The following LPP variants were observed in gnomAD, a reference collection of about 807,000 sequenced individuals.
LPP encodes the protein LIM domain containing preferred translocation partner in lipoma.
Under a neutral mutation model 60.4 loss-of-function variants are expected in LPP, and 38 were observed. The ratio of observed to expected loss-of-function variants is 0.63; its 90% CI spans 0.49 to 0.83. The LOEUF (loss-of-function observed/expected upper bound fraction) is 0.83. Among genes scored for constraint, LPP ranks in the 40% least tolerant of loss-of-function variants. The pLI is 0.00. For synonymous variants in LPP, 328 were observed against 290.8 expected (o/e 1.13, Z -1.30); for missense variants, 902 against 783.6 (o/e 1.15, Z -1.80).
intron 6 of LPP, among the ~76,000 whole-genome samples, chr3:188,543,895 T>C (rs1825862101): frequency 6.6e-6 from 1 of 152,150 alleles, no homozygotes; most frequent in African/African-American, 2.4e-5. Context: ...GAGAGTGAGG[T>C]TAGACTTACT....
At chr3:188,589,982 T>A (rs1449450641) in intron 6 of LPP, among the ~76,000 whole-genome samples, 2 of 152,210 alleles carry the variant, frequency 1.3e-5, no homozygotes, top group African/African-American at 4.8e-5. Flanking sequence ...ATTGTTGTCA[T>A]GTCTAATTTT....
intron 2 of LPP, among the ~76,000 whole-genome samples, chr3:188,301,689 C>A (rs1478462155): frequency 6.6e-6 from 1 of 151,872 alleles, no homozygotes; most frequent in South Asian, 2.1e-4. Context: ...TTATTTGAGA[C>A]AGAGTCTCAC....
chr3:188,747,005 T>C (rs1457314108), intron 8 of LPP, among the ~76,000 whole-genome samples: 1 of 152,164 alleles, frequency 6.6e-6, no homozygotes, highest in Non-Finnish European at 1.5e-5. Context: ...ATTTATCTCA[T>C]AATAAAAACT....
intron 2 of LPP, among the ~76,000 whole-genome samples, chr3:188,242,339 C>T (rs1725255666): frequency 6.6e-6 from 1 of 151,426 alleles, no homozygotes; most frequent in Non-Finnish European, 1.5e-5. Flanking sequence ...CTTGATTCTT[C>T]TTGCATTCAG....
At chr3:188,559,036 G>A (rs1830096731) in intron 6 of LPP, among the ~76,000 whole-genome samples, 1 of 152,048 alleles carries the variant, frequency 6.6e-6, no homozygotes, top group African/African-American at 2.4e-5. Flanking sequence ...TGCCTGCACT[G>A]CCTCTACCCC....
chr3:188,520,808 T>C (rs998662742), intron 5 of LPP, among the ~76,000 whole-genome samples: 2 of 152,174 alleles, frequency 1.3e-5, no homozygotes, highest in Non-Finnish European at 2.9e-5. Flanking sequence ...TGGTGGTAAC[T>C]AGAAAAAGCA....
intron 9 of LPP, among the ~76,000 whole-genome samples, chr3:188,793,731 G>A (rs1744524060): frequency 1.3e-5 from 2 of 152,118 alleles, no homozygotes; most frequent in Non-Finnish European, 1.5e-5. Context: ...ATCAGTGAAA[G>A]AATCTTTAAG....
At chr3:188,611,337 C>G (rs947754507) in intron 7 of LPP, among the ~76,000 whole-genome samples, 2 of 152,088 alleles carry the variant, frequency 1.3e-5, no homozygotes, top group Non-Finnish European at 2.9e-5. Context: ...TTTTTTATTT[C>G]TTTTTAAAAT....
chr3:188,621,139 C>CA (rs56228100), intron 7 of LPP, among the ~76,000 whole-genome samples: 32,685 of 142,826 alleles, frequency 0.23, 3,771 homozygotes, highest in South Asian at 0.43. Context: ...AATTTTATTC[C>CA]AAAAAAAAAA....
intron 3 of LPP, among the ~76,000 whole-genome samples, chr3:188,377,415 C>G (rs150430146): frequency 6.6e-6 from 1 of 151,956 alleles, no homozygotes; most frequent in African/African-American, 2.4e-5. Flanking sequence ...CTTTTTATTC[C>G]TTTTTCTCTG....
intron 5 of LPP, among the ~76,000 whole-genome samples, chr3:188,499,389 TC>T (rs1811176665): frequency 6.6e-6 from 1 of 152,204 alleles, no homozygotes; most frequent in Admixed American, 6.5e-5. Context: ...AGACTGTCCT[TC>T]CTGTATTAAA....
At chr3:188,692,233 A>G (rs1028375164) in intron 7 of LPP, among the ~76,000 whole-genome samples, 1 of 152,242 alleles carries the variant, frequency 6.6e-6, no homozygotes, top group Admixed American at 6.5e-5. Context: ...AGCTGCTGTC[A>G]TGCAGCCTCA....
intron 6 of LPP, among the ~76,000 whole-genome samples, chr3:188,566,423 T>G (rs1034972636): frequency 6.6e-6 from 1 of 151,940 alleles, no homozygotes; most frequent in African/African-American, 2.4e-5. Context: ...TTAGCTTTAT[T>G]AGTTAGCTCT....
chr3:188,338,698 A>T (rs564904033), intron 2 of LPP, among the ~76,000 whole-genome samples: 55 of 152,316 alleles, frequency 3.6e-4, no homozygotes, highest in African/African-American at 1.3e-3. Flanking sequence ...AAGAGGTACC[A>T]GTTTATTGAC....
At chr3:188,161,294 A>C (rs1193442803) in intron 1 of LPP, among the ~76,000 whole-genome samples, 1 of 152,164 alleles carries the variant, frequency 6.6e-6, no homozygotes, top group East Asian at 1.9e-4. Flanking sequence ...AAGGCTGCTG[A>C]AGTATTCCAG....
chr3:188,756,614 T>G (rs547678793), intron 8 of LPP, among the ~76,000 whole-genome samples: 1 of 152,310 alleles, frequency 6.6e-6, no homozygotes, highest in African/African-American at 2.4e-5. Context: ...AGGACACAGT[T>G]TGTAAATGTT....
At chr3:188,630,259 C>T (rs2148496672) in intron 7 of LPP, among the ~76,000 whole-genome samples, 1 of 152,154 alleles carries the variant, frequency 6.6e-6, no homozygotes, top group African/African-American at 2.4e-5. Flanking sequence ...CTATATGGAA[C>T]TCAAACAAAT....
At chr3:188,700,387 G>C (rs1179893850) in intron 7 of LPP, among the ~76,000 whole-genome samples, 1 of 152,246 alleles carries the variant, frequency 6.6e-6, no homozygotes, top group East Asian at 1.9e-4. Context: ...GACAGATAGT[G>C]GGTATCCATT....
rs541970541 is a variant in LPP, at chr3:188,372,006, C to T, written c.-10+30287C>T. Among the ~76,000 whole-genome samples the T allele has an allele frequency of 1.1e-4, 16 of 149,968 alleles. 3 individuals carry two copies. Among genetic ancestry groups the T allele is most frequent in the South Asian group, 8.4e-4 (4 of 4,778 alleles). ...TTTTTCTTTTCTTTTTTTTTTTCTC[C>T]CTCTGGCCTAGTTTGTGGGGAGAGG... On this transcript the variant is annotated intron_variant, in intron 3 of 11. Transcript: ENST00000617246.
Sources: allele counts gnomAD v4.1 joint callset (sites outside exome capture counted in the v4.1 genomes callset), GRCh38; gene constraint gnomAD v4.1.1; transcripts MANE v1.5; gene names NCBI Gene and HGNC (gene_info 2026-07-23, HGNC 2026-07-21).